The following ZNF221 variants were observed in gnomAD, a reference collection of about 807,000 sequenced individuals.
ZNF221 encodes zinc finger protein 221.
In ZNF221, 10 loss-of-function variants were observed where a neutral mutation model predicts 12.6. The ratio of observed to expected loss-of-function variants is 0.79; its 90% confidence interval spans 0.49 to 1.34. The LOEUF (loss-of-function observed/expected upper bound fraction) is 1.34. Among genes scored for constraint, ZNF221 ranks in the 40% most tolerant of loss-of-function variants. ZNF221 has a pLI of 0.00. For missense variants in ZNF221, 661 were observed against 721.4 expected (o/e 0.92, Z 0.96); for synonymous variants, 232 against 244.0 (o/e 0.95, Z 0.46).
rs1974975211 is a variant in ZNF221 at position 43,966,846 on chromosome 19, G to A, written c.1344G>A (p.Lys448=). The A allele has an allele frequency of 3.7e-6, 6 of 1,614,084 alleles. No homozygotes were observed. The highest frequency in any genetic ancestry group is 5.1e-6 in the Non-Finnish European group (6 of 1,180,032). Residue 448 remains lysine, a synonymous_variant, in exon 5 of 5, where the codon AAG becomes AAA. Coordinates refer to ENST00000587682, the MANE Select transcript of ZNF221 (RefSeq NM_001297588.2). ...SSHQRSHNGE[K]PYNCEECGKD... ...ATCAGAGATCCCACAATGGAGAAAAGCCATATAACTGTGAGGAGTGTGGTA... is the reference window on the plus strand; with the variant it reads ...ATCAGAGATCCCACAATGGAGAAAAACCATATAACTGTGAGGAGTGTGGTA...
intron 1 of ZNF221, among the ~76,000 whole-genome samples, chr19:43,954,215 A>T: frequency 6.6e-6 from 1 of 152,112 alleles, no homozygotes; most frequent in East Asian, 1.9e-4. Flanking sequence ...TCCATTTGAT[A>T]TACGGTTCTA....
At chr19:43,974,035 T>C in the ZNF221 span, among the ~76,000 whole-genome samples, 2 of 152,176 alleles carry the variant, frequency 1.3e-5, no homozygotes, top group African/African-American at 2.4e-5. Context: ...AACAGCATAG[T>C]ACTGGAACAA....
At chr19:43,953,059 C>T (rs1159626847) in intron 1 of ZNF221, among the ~76,000 whole-genome samples, 2 of 151,978 alleles carry the variant, frequency 1.3e-5, no homozygotes, top group East Asian at 3.9e-4. Context: ...CTCCACTTCC[C>T]GGGTTCAAGC....
chr19:43,952,323 G>A (rs1335256985), intron 1 of ZNF221, among the ~76,000 whole-genome samples: 1 of 152,174 alleles, frequency 6.6e-6, no homozygotes, highest in Non-Finnish European at 1.5e-5. Flanking sequence ...AGGATTGCTT[G>A]GAGGTAGACG....
At chr19:43,951,452 G>C (rs1974668702) in intron 1 of ZNF221, 52 bp downstream of exon 1, 1 of 152,196 alleles carries the variant, frequency 6.6e-6, no homozygotes, top group African/African-American at 2.4e-5. Context: ...GAGCCTTCTT[G>C]CGTTTAGGGC....
chr19:43,963,085 A>G (rs963172537), intron 2 of ZNF221, among the ~76,000 whole-genome samples: 1 of 152,160 alleles, frequency 6.6e-6, no homozygotes, highest in Non-Finnish European at 1.5e-5. Context: ...TTTATCTTGT[A>G]TTCTTCATCA....
At chr19:43,977,694 T>C in the ZNF221 span, among the ~76,000 whole-genome samples, 1 of 152,240 alleles carries the variant, frequency 6.6e-6, no homozygotes, top group Non-Finnish European at 1.5e-5. Flanking sequence ...TGCTAATTCA[T>C]AGTTATACAC....
chr19:43,967,776 C>A, downstream of ZNF221: 1 of 167,572 alleles, frequency 6.0e-6, no homozygotes, highest in Non-Finnish European at 1.3e-5. Context: ...CTGCGCCCGG[C>A]CATAGATCAC....
At chr19:43,978,041 C>T in the ZNF221 span, among the ~76,000 whole-genome samples, 1 of 152,194 alleles carries the variant, frequency 6.6e-6, no homozygotes, top group Non-Finnish European at 1.5e-5. Context: ...TAAGACTCAA[C>T]TCCTCTAGCA....
At chr19:43,977,981 A>G in the ZNF221 span, among the ~76,000 whole-genome samples, 1 of 152,200 alleles carries the variant, frequency 6.6e-6, no homozygotes, top group Non-Finnish European at 1.5e-5. Context: ...GCAGTTGTCT[A>G]GAGGAAACCA....
rs1974965947 is a variant in ZNF221 at position 43,966,565 on chromosome 19, A to T, written c.1063A>T (p.Ser355Cys). 2 of 1,614,208 alleles carry T rather than the reference A, an allele frequency of 1.2e-6. No homozygotes were observed. The highest frequency in any genetic ancestry group is 1.7e-6 in the Non-Finnish European group (2 of 1,180,036). Residue 355 changes from serine (S) to cysteine (C), a missense_variant, in exon 5 of 5, where the codon AGT becomes TGT. Transcript: ENST00000587682. ...KNFRQRSALN[S>C]HSMVHIEEKP... is the part of the protein sequence containing the mutation. ...CTTTCGTCAGAGATCAGCACTTAAT[A>T]GTCATTCCATGGTCCACATAGAAGA... is the stretch of plus-strand genomic sequence containing the variant.
At chr19:43,975,148 A>G in the ZNF221 span, among the ~76,000 whole-genome samples, 1 of 152,302 alleles carries the variant, frequency 6.6e-6, no homozygotes, top group Admixed American at 6.5e-5. Flanking sequence ...CAATTCCTCA[A>G]AGATTTAGAG....
chr19:43,965,775 C>T (rs1270352232), intron 4 of ZNF221, 29 bp from the exon 5 acceptor site: 13 of 1,532,860 alleles, frequency 8.5e-6, no homozygotes, highest in Non-Finnish European at 1.1e-5. Context: ...CTTCACTTGC[C>T]CACATATATT....
the ZNF221 span, among the ~76,000 whole-genome samples, chr19:43,979,618 T>G: frequency 6.6e-6 from 1 of 152,138 alleles, no homozygotes; most frequent in Non-Finnish European, 1.5e-5. Context: ...CGTGGGTTAG[T>G]GTTCCATCTG....
chr19:43,967,476 A>T lies in ZNF221; in HGVS notation c.*120A>T. ...GTGGGAAGAGCTTTGTACATAGATC[A>T]TATCTTTTTTTTTTTTTTTTGAGAC... On this transcript the variant is annotated 3_prime_UTR_variant, in exon 5 of 5. Transcript: ENST00000587682. 1 of 732,364 alleles carries T rather than the reference A, an allele frequency of 1.4e-6. No individual in the cohort carries two copies. Among genetic ancestry groups the T allele is most frequent in the Non-Finnish European group, 2.1e-6 (1 of 467,572 alleles). The allele number at this position is 732,364 out of a possible 1,614,324, so 45.4% of individuals were successfully genotyped here.
the ZNF221 span, among the ~76,000 whole-genome samples, chr19:43,979,314 A>G: frequency 6.6e-6 from 1 of 151,984 alleles, no homozygotes; most frequent in Non-Finnish European, 1.5e-5. Flanking sequence ...TGTACTGAAT[A>G]TTAATTTTTC....
the ZNF221 span, among the ~76,000 whole-genome samples, chr19:43,974,424 A>G: frequency 1.3e-5 from 2 of 152,352 alleles, no homozygotes; most frequent in Middle Eastern, 6.8e-3. Flanking sequence ...GAGCTTCTGC[A>G]CACCAAAAGA....
At chr19:43,971,437 G>A (rs1447101268), downstream of ZNF221, among the ~76,000 whole-genome samples, 2 of 152,072 alleles carry the variant, frequency 1.3e-5, no homozygotes, top group Admixed American at 6.5e-5. Flanking sequence ...TAGGCTAAAT[G>A]CCCCAATTGA....
rs56887248 is a variant in ZNF221 at position 43,967,480 on chromosome 19, CTTT to C, written c.*138_*140del. Reference sequence around the variant, plus strand: ...GAAGAGCTTTGTACATAGATCATATCTTTTTTTTTTTTTTTTGAGACAGAGTCT... The same window carrying C: ...GAAGAGCTTTGTACATAGATCATATCTTTTTTTTTTTTTGAGACAGAGTCT... On this transcript the variant is annotated 3_prime_UTR_variant, in exon 5 of 5. Coordinates refer to ENST00000587682, the MANE Select transcript of ZNF221 (RefSeq NM_001297588.2). 5,665 of 525,114 alleles carry C rather than the reference CTTT, an allele frequency of 0.011. No homozygotes were observed. Among genetic ancestry groups the C allele is most frequent in the South Asian group, 0.018 (637 of 35,402 alleles). The allele number at this position is 525,114 out of a possible 1,614,324, so 32.5% of individuals were successfully genotyped here.
Sources: gnomAD v4.1 joint callset for allele counts (sites outside exome capture counted in the v4.1 genomes callset) on GRCh38, gnomAD v4.1.1 for gene constraint, MANE v1.5 for transcripts, NCBI Gene and HGNC (gene_info 2026-07-23, HGNC 2026-07-21) for gene names.